The following ERC1 variants were observed in gnomAD, a reference collection of about 807,000 sequenced individuals.
The protein encoded by ERC1 is RAB6 interacting protein 2.
A neutral mutation model predicts 132.0 loss-of-function variants in ERC1; 56 were observed. The ratio of observed to expected loss-of-function variants is 0.42; its 90% CI spans 0.34 to 0.53. The LOEUF is 0.53. Among genes scored for constraint, ERC1 ranks in the 20% least tolerant of loss-of-function variants. ERC1 has a pLI of 0.03. For synonymous variants in ERC1, 478 were observed against 476.1 expected, an observed-to-expected ratio of 1.00 and a Z score of -0.05; for missense variants, 1,202 against 1,349.9, an observed-to-expected ratio of 0.89 and a Z score of 1.72.
intron 17 of ERC1, among the ~76,000 whole-genome samples, chr12:1,440,268 C>G (rs11061757): frequency 0.25 from 34,139 of 136,900 alleles, 8,261 homozygotes; most frequent in African/African-American, 0.65. Flanking sequence ...GCAGTGGTGC[C>G]ATCTCGGCTC....
intron 2 of ERC1, among the ~76,000 whole-genome samples, chr12:1,069,444 A>G (rs1939910863): frequency 1.3e-5 from 2 of 152,188 alleles, no homozygotes; most frequent in Non-Finnish European, 1.5e-5. Flanking sequence ...ATCTATATAG[A>G]TGGAGGTGTA....
chr12:1,018,985 C>T (rs1305994114), intron 1 of ERC1, among the ~76,000 whole-genome samples: 1 of 152,114 alleles, frequency 6.6e-6, no homozygotes, highest in Non-Finnish European at 1.5e-5. Context: ...AAACCAGAGA[C>T]AGCTTGGTAT....
At chr12:1,255,498 TC>T (rs1419332761) in intron 13 of ERC1, among the ~76,000 whole-genome samples, 1 of 152,112 alleles carries the variant, frequency 6.6e-6, no homozygotes, top group Non-Finnish European at 1.5e-5. Context: ...TATTTCTAGT[TC>T]TAGATCCTTG....
In ERC1 at chr12:1,378,990, G is replaced by A. The variant is rs181693124; in HGVS notation, c.2925+7013G>A. Among the ~76,000 whole-genome samples the A allele has an allele frequency of 6.6e-4, 101 of 152,246 alleles. 1 individual carries two copies. Among genetic ancestry groups the A allele is most frequent in the Non-Finnish European group, 1.1e-3 (72 of 68,016 alleles). On this transcript the variant is annotated intron_variant, in intron 16 of 18. Coordinates refer to ENST00000360905, the MANE Select transcript of ERC1 (RefSeq NM_178040.4). ...CACTACTTGCAGGTCAAATATTGAC[G>A]AATTTAGGGAATATATTGTGTGATA... is the stretch of plus-strand genomic sequence containing the variant.
At chr12:1,060,195 C>G (rs1207646378) in intron 2 of ERC1, among the ~76,000 whole-genome samples, 2 of 102,538 alleles carry the variant, frequency 2.0e-5, no homozygotes, top group African/African-American at 6.2e-5. Flanking sequence ...TACTATTATA[C>G]TTTAAGTTTT....
chr12:1,478,182 C>T (rs1384090127), intron 18 of ERC1, among the ~76,000 whole-genome samples: 1 of 152,192 alleles, frequency 6.6e-6, no homozygotes, highest in Non-Finnish European at 1.5e-5. Flanking sequence ...GTAGGAGAGG[C>T]CAAGTGGTTC....
In ERC1 at chr12:1,237,952, A is replaced by G. The variant is rs529080815; in HGVS notation, c.2487+1048A>G. Among the ~76,000 whole-genome samples the G allele has an allele frequency of 6.0e-4, 92 of 152,346 alleles. 1 individual carries two copies. The highest frequency in any genetic ancestry group is 2.1e-3 in the African/African-American group (87 of 41,576). On this transcript the variant is annotated intron_variant, in intron 13 of 18. Coordinates refer to ENST00000360905, the MANE Select transcript of ERC1 (RefSeq NM_178040.4). ...TGTAGAAGCCATTCTGAGGCTTTAC[A>G]ACAAATTCTTTTAACATATGAAGAA...
chr12:1,165,067 A>G (rs1307033958), intron 8 of ERC1, among the ~76,000 whole-genome samples: 1 of 152,232 alleles, frequency 6.6e-6, no homozygotes, highest in Non-Finnish European at 1.5e-5. Context: ...ATTACCACAG[A>G]GTATAAATGT....
chr12:1,459,858 C>T (rs1022744158), intron 18 of ERC1, among the ~76,000 whole-genome samples: 6 of 152,188 alleles, frequency 3.9e-5, no homozygotes, highest in Non-Finnish European at 8.8e-5. Context: ...GAGAAGAACA[C>T]AGGTGGTACT....
chr12:1,171,101 A>G (rs577193995), intron 8 of ERC1, among the ~76,000 whole-genome samples: 19 of 152,332 alleles, frequency 1.2e-4, no homozygotes, highest in African/African-American at 4.6e-4. Context: ...CATGATCTGT[A>G]CTATGAGAGA....
intron 13 of ERC1, among the ~76,000 whole-genome samples, chr12:1,252,234 A>AT (rs2154316045): frequency 6.6e-6 from 1 of 152,224 alleles, no homozygotes; most frequent in South Asian, 2.1e-4. Context: ...TAATCCTGTT[A>AT]TTTTTTAAGA....
At position 1,065,718 on chromosome 12, in the gene ERC1, G is replaced by C. The variant is rs565122573; in HGVS notation, c.670-17446G>C. 2.0e-5 allele frequency among the ~76,000 whole-genome samples: 3 copies of C among 152,116 alleles called. No homozygotes were observed. In the South Asian group the frequency reaches 6.2e-4, roughly 32 times the overall value. ...CATCTGTGCATCTGGTGCAGCAGCT[G>C]CTCCTTCCAATTTTATGGAGCAGCT... On this transcript the variant is annotated intron_variant, in intron 2 of 18. Transcript: ENST00000360905.
intron 14 of ERC1, among the ~76,000 whole-genome samples, chr12:1,287,507 G>A (rs2079115304): frequency 6.6e-6 from 1 of 152,170 alleles, no homozygotes; most frequent in Non-Finnish European, 1.5e-5. Flanking sequence ...TGCCCTCCCT[G>A]ATGTGGGTGG....
chr12:1,444,513 C>T, intron 17 of ERC1, 49 bp from the exon 18 acceptor site: 2 of 1,365,222 alleles, frequency 1.5e-6, no homozygotes, highest in Non-Finnish European at 2.0e-6. Context: ...TTCAGACTGA[C>T]CTTGACTTTC....
In ERC1 at chr12:1,304,024, A is replaced by G. The variant is rs533773973; in HGVS notation, c.2780+14012A>G. ...ATATATATCTAGATTTTTTTTTCTCATGTATGATGAAGTCTCTGGATTCCT... is the reference window on the plus strand; with the variant it reads ...ATATATATCTAGATTTTTTTTTCTCGTGTATGATGAAGTCTCTGGATTCCT... On this transcript the variant is annotated intron_variant, in intron 15 of 18. Coordinates refer to ENST00000360905, the MANE Select transcript of ERC1 (RefSeq NM_178040.4). 2.7e-5 allele frequency among the ~76,000 whole-genome samples: 4 copies of G among 148,894 alleles called. No individual in the cohort carries two copies. In the South Asian group the frequency reaches 8.5e-4, roughly 31 times the overall value.
chr12:1,386,551 G>A (rs1202610634), intron 16 of ERC1: 1 of 150,088 alleles, frequency 6.7e-6, no homozygotes, highest in South Asian at 2.1e-4. Context: ...CAGAGGCTGA[G>A]GTGGGAGGAT....
intron 15 of ERC1, among the ~76,000 whole-genome samples, chr12:1,350,445 A>T (rs1227924290): frequency 6.6e-6 from 1 of 152,206 alleles, no homozygotes; most frequent in African/African-American, 2.4e-5. Context: ...TGGCTCCATG[A>T]ATCACTTTAC....
At chr12:1,055,138 A>T (rs1972703221) in intron 2 of ERC1, among the ~76,000 whole-genome samples, 1 of 152,128 alleles carries the variant, frequency 6.6e-6, no homozygotes, top group Non-Finnish European at 1.5e-5. Flanking sequence ...GTTTAATGTT[A>T]AGGATTTCCT....
chr12:1,115,151 T>C (rs1454646966), intron 6 of ERC1, among the ~76,000 whole-genome samples: 2 of 152,210 alleles, frequency 1.3e-5, no homozygotes, highest in Admixed American at 6.5e-5. Context: ...AATTTCTGTT[T>C]ACATGGCTTC....
Sources: allele counts gnomAD v4.1 joint callset (sites outside exome capture counted in the v4.1 genomes callset), GRCh38; gene constraint gnomAD v4.1.1; transcripts MANE v1.5; gene names NCBI Gene and HGNC (gene_info 2026-07-23, HGNC 2026-07-21).